The following MAPK8 variants were observed in gnomAD, a reference collection of about 807,000 sequenced individuals.
MAPK8 encodes mitogen-activated protein kinase 8, also known as JUN N-terminal kinase.
MAPK8 carries 13 observed loss-of-function variants against 52.9 expected under a neutral mutation model. The ratio of observed to expected loss-of-function variants is 0.25; its 90% confidence interval spans 0.16 to 0.39. The LOEUF (loss-of-function observed/expected upper bound fraction) is 0.39. Ranked by LOEUF, MAPK8 falls within the 10% of genes least tolerant of loss-of-function variation. MAPK8 has a pLI of 1.00. For missense variants in MAPK8, 300 were observed against 519.2 expected, an observed-to-expected ratio of 0.58 and a Z score of 4.10; for synonymous variants, 191 against 169.8, an observed-to-expected ratio of 1.12 and a Z score of -0.97.
chr10:48,336,838 G>A (rs1844737214), intron 1 of MAPK8, among the ~76,000 whole-genome samples: 1 of 152,028 alleles, frequency 6.6e-6, no homozygotes, highest in South Asian at 2.1e-4. Context: ...TGCTATTGTT[G>A]TATCAGATAA....
intron 5 of MAPK8, among the ~76,000 whole-genome samples, chr10:48,415,708 G>A (rs991779340): frequency 1.6e-4 from 25 of 152,058 alleles, no homozygotes; most frequent in African/African-American, 6.0e-4. Flanking sequence ...TCCTCTCTGA[G>A]AATAAAGAGT....
At chr10:48,390,819 A>G (rs1028137015) in intron 1 of MAPK8, among the ~76,000 whole-genome samples, 1 of 152,230 alleles carries the variant, frequency 6.6e-6, no homozygotes, top group Non-Finnish European at 1.5e-5. Flanking sequence ...AAAGATTTAC[A>G]TTTTGGTTAA....
intron 1 of MAPK8, among the ~76,000 whole-genome samples, chr10:48,346,836 C>G (rs1248867482): frequency 6.6e-6 from 1 of 152,202 alleles, no homozygotes; most frequent in African/African-American, 2.4e-5. Context: ...CTCTCCCTCT[C>G]TGTCTCCTCT....
chr10:48,331,879 A>G (rs981908034), intron 1 of MAPK8, among the ~76,000 whole-genome samples: 18 of 152,140 alleles, frequency 1.2e-4, no homozygotes, highest in African/African-American at 3.4e-4. Flanking sequence ...AAGGAGTACT[A>G]TTGGGAGACA....
intron 1 of MAPK8, among the ~76,000 whole-genome samples, chr10:48,388,147 C>G (rs1184848755): frequency 6.6e-6 from 1 of 152,072 alleles, no homozygotes; most frequent in East Asian, 1.9e-4. Context: ...TGCCTGCCAG[C>G]TTTACTTCAT....
chr10:48,402,579 G>T (rs960584911), intron 2 of MAPK8, among the ~76,000 whole-genome samples: 25 of 152,264 alleles, frequency 1.6e-4, no homozygotes, highest in Middle Eastern at 3.4e-3. Flanking sequence ...ACTGATTGCA[G>T]ATCACTAAAT....
chr10:48,409,996 A>G (rs750257012), intron 4 of MAPK8, 34 bp from the exon 5 acceptor site: 6 of 1,607,612 alleles, frequency 3.7e-6, no homozygotes, highest in Non-Finnish European at 5.1e-6. Context: ...TTGCTGCTGG[A>G]CACTTTAGCT....
At chr10:48,309,724 C>T (rs1017527929) in intron 1 of MAPK8, among the ~76,000 whole-genome samples, 2 of 152,098 alleles carry the variant, frequency 1.3e-5, no homozygotes, top group African/African-American at 4.8e-5. Context: ...GCTTTGCCAG[C>T]GGGTTGAATT....
At position 48,404,851 on chromosome 10, in the gene MAPK8, G is replaced by T; in HGVS notation, c.123-1G>T. 1 of 1,587,524 alleles carries T rather than the reference G, an allele frequency of 6.3e-7. No individual in the cohort carries two copies. The highest frequency in any genetic ancestry group is 8.5e-7 in the Non-Finnish European group (1 of 1,169,790). Reference sequence around the variant, plus strand: ...GTGTGTTTTTGAATTTCTTATTACAGCGCAGCTTATGATGCCATTCTTGAA... The same window carrying T: ...GTGTGTTTTTGAATTTCTTATTACATCGCAGCTTATGATGCCATTCTTGAA... On this transcript the variant is annotated splice_acceptor_variant, in intron 2 of 11. Transcript: ENST00000374189. LOFTEE classifies it high-confidence loss of function.
intron 1 of MAPK8, among the ~76,000 whole-genome samples, chr10:48,352,780 C>T (rs1366158013): frequency 2.0e-5 from 3 of 152,038 alleles, no homozygotes; most frequent in Non-Finnish European, 4.4e-5. Flanking sequence ...GTAAAACAAG[C>T]GGGGGGAAAG....
chr10:48,365,723 C>T (rs948109142), intron 1 of MAPK8, among the ~76,000 whole-genome samples: 2 of 151,998 alleles, frequency 1.3e-5, no homozygotes, highest in Admixed American at 1.3e-4. Context: ...TGAATCCTAG[C>T]CATTTTATTA....
chr10:48,384,161 A>G (rs2041174989), intron 1 of MAPK8, among the ~76,000 whole-genome samples: 1 of 152,220 alleles, frequency 6.6e-6, no homozygotes, highest in Non-Finnish European at 1.5e-5. Flanking sequence ...GTGAGGCAGA[A>G]GAATCGCTTG....
chr10:48,341,455 A>T (rs1018841372), intron 1 of MAPK8, among the ~76,000 whole-genome samples: 3 of 152,198 alleles, frequency 2.0e-5, no homozygotes, highest in Non-Finnish European at 4.4e-5. Context: ...GGGATTTGGG[A>T]TGCTCAACTG....
intron 1 of MAPK8, among the ~76,000 whole-genome samples, chr10:48,387,095 T>G (rs1407323083): frequency 6.6e-6 from 1 of 152,240 alleles, no homozygotes; most frequent in Non-Finnish European, 1.5e-5. Context: ...GAATTAAATC[T>G]ATTTTATGAA....
chr10:48,356,891 T>A (rs1427765897), intron 1 of MAPK8, among the ~76,000 whole-genome samples: 32 of 33,828 alleles, frequency 9.5e-4, no homozygotes, highest in Non-Finnish European at 1.5e-3. Flanking sequence ...TCCAACTACG[T>A]AGTTTACCAA....
chr10:48,412,126 G>A (rs540761785), intron 5 of MAPK8, among the ~76,000 whole-genome samples: 14 of 152,286 alleles, frequency 9.2e-5, no homozygotes, highest in African/African-American at 2.9e-4. Context: ...GATTACAGGC[G>A]TGAACCACCC....
chr10:48,356,150 C>A (rs1846912574), intron 1 of MAPK8, among the ~76,000 whole-genome samples: 1 of 152,206 alleles, frequency 6.6e-6, no homozygotes, highest in South Asian at 2.1e-4. Flanking sequence ...CTTAGTAAAT[C>A]TAAACAAACA....
chr10:48,388,958 T>C (rs2041475249), intron 1 of MAPK8, among the ~76,000 whole-genome samples: 1 of 152,104 alleles, frequency 6.6e-6, no homozygotes, highest in Non-Finnish European at 1.5e-5. Context: ...CATAAATGGC[T>C]AGTCAGCCAT....
At position 48,437,352 on chromosome 10, in the gene MAPK8, CATTT is replaced by C. The variant is rs2133426453; in HGVS notation, c.*2324_*2327del. On this transcript the variant is annotated 3_prime_UTR_variant, in exon 12 of 12. Transcript: ENST00000374189. Reference sequence around the variant, plus strand: ...TTTGGAATCCTTTAAGCATCTTAAACATTTTTTTTTTGAAGAGAAGTTACAAATA... The same window carrying C: ...TTTGGAATCCTTTAAGCATCTTAAACTTTTTTTGAAGAGAAGTTACAAATA... The C allele has an allele frequency of 6.6e-6, 1 of 152,082 alleles. No individual in the cohort carries two copies. The highest frequency in any genetic ancestry group is 2.1e-4 in the South Asian group (1 of 4,812). 9.4% of individuals were successfully genotyped at this position (152,082 alleles called of 1,614,324 possible). A position where few individuals can be genotyped will look rare whatever the true frequency, so the allele number is the denominator to read the frequency against.
Sources: gnomAD v4.1 joint callset for allele counts (sites outside exome capture counted in the v4.1 genomes callset) on GRCh38, gnomAD v4.1.1 for gene constraint, MANE v1.5 for transcripts, NCBI Gene and HGNC (gene_info 2026-07-23, HGNC 2026-07-21) for gene names.